The following CCDC158 variants were observed in gnomAD, a reference collection of about 807,000 sequenced individuals.
CCDC158 encodes the protein coiled-coil domain containing 158.
In CCDC158, 116 loss-of-function variants were observed where a neutral mutation model predicts 138.6. The ratio of observed to expected loss-of-function variants is 0.84; its 90% confidence interval spans 0.72 to 0.98. The LOEUF is 0.98. Ranked by LOEUF, CCDC158 falls within the 50% of genes least tolerant of loss-of-function variation. The pLI, the probability that CCDC158 is intolerant of heterozygous loss-of-function variation, is 0.00. For missense variants in CCDC158, 1,265 were observed against 1,306.1 expected, an observed-to-expected ratio of 0.97 and a Z score of 0.48; for synonymous variants, 436 against 442.4, an observed-to-expected ratio of 0.99 and a Z score of 0.18.
At chr4:76,320,663 C>T (rs1421741708) in intron 24 of CCDC158, among the ~76,000 whole-genome samples, 1 of 152,100 alleles carries the variant, frequency 6.6e-6, no homozygotes, top group East Asian at 1.9e-4. Context: ...TGATCTTCGA[C>T]AATGCAAACA....
intron 19 of CCDC158, among the ~76,000 whole-genome samples, chr4:76,333,214 C>T (rs1168014032): frequency 2.0e-5 from 3 of 151,942 alleles, no homozygotes; most frequent in Non-Finnish European, 2.9e-5. Context: ...CAGGTAAATA[C>T]GAATTGGACA....
chr4:76,362,444 C>T (rs1187024623), intron 12 of CCDC158, 129 bp from the exon 13 acceptor site: 1 of 566,368 alleles, frequency 1.8e-6, no homozygotes, highest in East Asian at 2.9e-5. Context: ...TTTCTGCCTC[C>T]TATCTGTATT....
At chr4:76,332,941 C>T (rs551796634) in intron 19 of CCDC158, among the ~76,000 whole-genome samples, 2 of 152,238 alleles carry the variant, frequency 1.3e-5, no homozygotes, top group African/African-American at 4.8e-5. Context: ...TAGGAGGAGG[C>T]ATGTCAATAT....
intron 15 of CCDC158, 130 bp from the exon 16 acceptor site, chr4:76,353,411 C>T: frequency 1.5e-6 from 1 of 665,186 alleles, no homozygotes; most frequent in Non-Finnish European, 2.5e-6. Context: ...CATTTAATTG[C>T]TTCTGAGTTG....
intron 9 of CCDC158, among the ~76,000 whole-genome samples, chr4:76,378,452 G>C (rs546560646): frequency 6.6e-6 from 1 of 152,172 alleles, no homozygotes; most frequent in South Asian, 2.1e-4. Context: ...GCTGTCTAAG[G>C]GTCTCTTATA....
At chr4:76,411,230 T>C (rs536090179) in intron 2 of CCDC158, among the ~76,000 whole-genome samples, 8 of 152,092 alleles carry the variant, frequency 5.3e-5, no homozygotes, top group Non-Finnish European at 1.2e-4. Flanking sequence ...AGTGAGACTC[T>C]GTCTTTACAA....
At chr4:76,348,830 T>A (rs187394032) in intron 18 of CCDC158, among the ~76,000 whole-genome samples, 302 of 152,122 alleles carry the variant, frequency 2.0e-3, no homozygotes, top group Non-Finnish European at 3.6e-3. Flanking sequence ...ATATAAGGCA[T>A]GATGAATAAA....
At chr4:76,414,905 G>A (rs1225277092) in intron 1 of CCDC158, among the ~76,000 whole-genome samples, 3 of 152,142 alleles carry the variant, frequency 2.0e-5, no homozygotes, top group African/African-American at 7.2e-5. Flanking sequence ...TACCAGTAGT[G>A]TGGGGCATTG....
At chr4:76,340,893 A>T (rs1721984735) in intron 18 of CCDC158, among the ~76,000 whole-genome samples, 1 of 152,180 alleles carries the variant, frequency 6.6e-6, no homozygotes, top group Admixed American at 6.5e-5. Context: ...ACTGGTGCCA[A>T]AAAGGTTGGG....
chr4:76,351,110 GC>G lies in CCDC158; in HGVS notation c.2549del (p.Gly850AlafsTer10), dbSNP rs1483120371. On this transcript the variant is annotated frameshift_variant, in exon 18 of 25. Transcript: ENST00000682701. LOFTEE classifies it high-confidence loss of function. Reference sequence around the variant, plus strand: ...ATGAAGAATTTGAGGTGTATCCAGGGCCCTGAAGTTCCTGGAAAACAATATA... The same window carrying G: ...ATGAAGAATTTGAGGTGTATCCAGGGCCTGAAGTTCCTGGAAAACAATATA... ...QHTLDIKELQ[G>X]PGYTSNSSLK... 6.2e-7 allele frequency: 1 copy of G among 1,612,790 alleles called. No homozygotes were observed. The highest frequency in any genetic ancestry group is 1.1e-5 in the South Asian group (1 of 90,910).
At chr4:76,409,821 AC>A (rs963088793) in intron 2 of CCDC158, among the ~76,000 whole-genome samples, 19 of 151,966 alleles carry the variant, frequency 1.3e-4, no homozygotes, top group African/African-American at 4.4e-4. Context: ...ACAGAGCGAG[AC>A]TGTCTCAAAA....
intron 15 of CCDC158, among the ~76,000 whole-genome samples, chr4:76,354,346 C>A (rs1416381476): frequency 6.6e-6 from 1 of 151,074 alleles, no homozygotes; most frequent in East Asian, 1.9e-4. Context: ...AAGGGGTATG[C>A]ACAAATGTAG....
At chr4:76,409,800 C>T (rs1050692932) in intron 2 of CCDC158, among the ~76,000 whole-genome samples, 1 of 151,798 alleles carries the variant, frequency 6.6e-6, no homozygotes, top group Non-Finnish European at 1.5e-5. Context: ...CACTGCACTC[C>T]AGCCTGGGTG....
At chr4:76,402,053 G>A (rs1163630062) in intron 3 of CCDC158, 1 of 152,180 alleles carries the variant, frequency 6.6e-6, no homozygotes, top group African/African-American at 2.4e-5. Flanking sequence ...AATAACCTCT[G>A]CATGCACTAA....
At chr4:76,327,835 C>T (rs912157861) in intron 22 of CCDC158, among the ~76,000 whole-genome samples, 4 of 152,150 alleles carry the variant, frequency 2.6e-5, no homozygotes, top group African/African-American at 9.7e-5. Flanking sequence ...TTTTGTTGAA[C>T]AATCATCATC....
At position 76,357,423 on chromosome 4, in the gene CCDC158, T is replaced by C; in HGVS notation, c.2124A>G (p.Leu708=). 1 of 1,602,932 alleles carries C rather than the reference T, an allele frequency of 6.2e-7. No individual in the cohort carries two copies. Among genetic ancestry groups the C allele is most frequent in the Non-Finnish European group, 8.5e-7 (1 of 1,175,466 alleles). ...KMQLKSAQSE[L]EQTRNTLKSM... is the part of the protein sequence containing the mutation. ...ACTTTAATGTATTTCTTGTCTGTTC[T>C]AGTTCAGACTGTGCAGATTTTAATT... The change falls in exon 14 of 25, where the codon CTA becomes CTG. Residue 708 remains leucine (L), a synonymous_variant. Coordinates refer to ENST00000682701, the MANE Select transcript of CCDC158 (RefSeq NM_001394954.1).
intron 18 of CCDC158, 36 bp downstream of exon 18, chr4:76,350,960 T>C: frequency 6.3e-7 from 1 of 1,589,058 alleles, no homozygotes; most frequent in Non-Finnish European, 8.6e-7. Flanking sequence ...TACGCATATG[T>C]CATTTGCGTA....
chr4:76,336,508 C>T (rs186393473), intron 18 of CCDC158, among the ~76,000 whole-genome samples: 8 of 152,286 alleles, frequency 5.3e-5, no homozygotes, highest in Admixed American at 1.3e-4. Flanking sequence ...ATTCTCTCTA[C>T]GGCATTCTAG....
At chr4:76,415,551 C>T (rs941046265) in intron 1 of CCDC158, among the ~76,000 whole-genome samples, 1 of 152,012 alleles carries the variant, frequency 6.6e-6, no homozygotes, top group African/African-American at 2.4e-5. Flanking sequence ...AATAGTTATA[C>T]TAGATATAGA....
Sources: gnomAD v4.1 joint callset for allele counts (sites outside exome capture counted in the v4.1 genomes callset) on GRCh38, gnomAD v4.1.1 for gene constraint, MANE v1.5 for transcripts, NCBI Gene and HGNC (gene_info 2026-07-23, HGNC 2026-07-21) for gene names.